MFSD2B: variants seen among roughly 807,000 people sequenced by gnomAD.
The protein encoded by MFSD2B is sphingosine-1-phosphate transporter MFSD2B.
In MFSD2B, 56 loss-of-function variants were observed where a neutral mutation model predicts 58.4. That is an observed-to-expected ratio of 0.96 (90% confidence interval 0.77 to 1.20). MFSD2B has a LOEUF of 1.20. MFSD2B is among the 50% of genes most tolerant of loss of function. The pLI, the probability that MFSD2B is intolerant of heterozygous loss-of-function variation, is 0.00. For synonymous variants in MFSD2B, 287 were observed against 294.4 expected (o/e 0.97, Z 0.26); for missense variants, 645 against 667.6 (o/e 0.97, Z 0.37).
chr2:24,025,245 G>T (rs1166168398), intron 13 of MFSD2B, among the ~76,000 whole-genome samples, 187 bp from the exon 14 acceptor site: 3 of 152,210 alleles, frequency 2.0e-5, no homozygotes, highest in Admixed American at 2.0e-4. Flanking sequence ...AGGCGGATGG[G>T]GAACTGCTTG....
rs1662885843 is a variant in MFSD2B at position 24,023,738 on chromosome 2, G to A, written c.1313+12G>A. 3.7e-6 allele frequency: 6 copies of A among 1,613,226 alleles called. No homozygotes were observed. The highest frequency in any genetic ancestry group is 5.1e-6 in the Non-Finnish European group (6 of 1,179,490). ...ACCCTCAGTCTGGAGTGAGTCCCAG[G>A]GTTAGGATACAGCAGAGGCACCAAG... On this transcript the variant is annotated intron_variant, in intron 12 of 13. Coordinates refer to ENST00000338315, the MANE Select transcript of MFSD2B (RefSeq NM_001346880.2). This position sits in a 1 kb window ranked among gnomAD's most constrained non-coding sequence, Gnocchi z 5.0.
Position 24,017,496 on chromosome 2 carries a change from A to G in MFSD2B, c.589A>G (p.Thr197Ala). The G allele has an allele frequency of 3.1e-6, 5 of 1,597,592 alleles. No homozygotes were observed. The highest frequency in any genetic ancestry group is 4.3e-6 in the Non-Finnish European group (5 of 1,172,238). ...VEMAGTLMGA[T>A]VHGLIVSGAH... ...GATGGCGGGAACACTGATGGGGGCCACTGTCCACGGGCTCATCGTGTCCGG... is the reference window on the plus strand; with the variant it reads ...GATGGCGGGAACACTGATGGGGGCCGCTGTCCACGGGCTCATCGTGTCCGG... Residue 197 changes from threonine to alanine, a missense_variant, in exon 6 of 14, where the codon ACT (threonine) becomes GCT (alanine). Coordinates refer to ENST00000338315, the MANE Select transcript of MFSD2B (RefSeq NM_001346880.2). This position sits in a 1 kb window ranked among gnomAD's most constrained non-coding sequence, Gnocchi z 4.8.
chr2:24,024,308 A>C lies in MFSD2B; in HGVS notation c.1490+37A>C, dbSNP rs1299177273. Reference sequence around the variant, plus strand: ...ACGCCCCCTGCAGCCAGCGAGGCACAGTGTGGGCTGCTGGGGGAATGACTA... The same window carrying C: ...ACGCCCCCTGCAGCCAGCGAGGCACCGTGTGGGCTGCTGGGGGAATGACTA... On this transcript the variant is annotated intron_variant, in intron 13 of 13. Transcript: ENST00000338315. This position sits in a 1 kb window ranked among gnomAD's most constrained non-coding sequence, Gnocchi z 4.3. 4.5e-6 allele frequency: 7 copies of C among 1,558,428 alleles called. No individual in the cohort carries two copies. Among genetic ancestry groups the C allele is most frequent in the Non-Finnish European group, 5.2e-6 (6 of 1,153,648 alleles).
chr2:24,020,600 C>T lies in MFSD2B; in HGVS notation c.682-1048C>T, dbSNP rs1400556655. The stretch of plus-strand genomic sequence containing the variant: ...ACAGAGGCAGGGTCTTACTCTGCCA[C>T]CCAGGCTGGAGTGCAATGGTGCAAT... On this transcript the variant is annotated intron_variant, in intron 6 of 13. Transcript: ENST00000338315. The surrounding 1 kb of genome is among the most constrained non-coding windows in gnomAD (Gnocchi z 4.1). Among the ~76,000 whole-genome samples, 1 of 152,184 alleles carries T rather than the reference C, an allele frequency of 6.6e-6. No homozygotes were observed. The highest frequency in any genetic ancestry group is 6.5e-5 in the Admixed American group (1 of 15,278).
chr2:24,011,380 G>A (rs2150936281), intron 1 of MFSD2B, among the ~76,000 whole-genome samples: 1 of 152,356 alleles, frequency 6.6e-6, no homozygotes, highest in South Asian at 2.1e-4. Flanking sequence ...AATTCTGCCT[G>A]TTCTTAAAGT....
rs115366112 is a variant in MFSD2B at position 24,020,147 on chromosome 2, G to A, written c.682-1501G>A. 6.6e-6 allele frequency among the ~76,000 whole-genome samples: 1 copy of A among 152,282 alleles called. No individual in the cohort carries two copies. Among genetic ancestry groups the A allele is most frequent in the Non-Finnish European group, 1.5e-5 (1 of 68,022 alleles). Reference sequence around the variant, plus strand: ...GGGGCCCTGAGCTGGGGACATGTGTGGTCCTTGATGTGACACAAGGGTTGG... The same window carrying A: ...GGGGCCCTGAGCTGGGGACATGTGTAGTCCTTGATGTGACACAAGGGTTGG... On this transcript the variant is annotated intron_variant, in intron 6 of 13. Coordinates refer to ENST00000338315, the MANE Select transcript of MFSD2B (RefSeq NM_001346880.2). This position sits in a 1 kb window ranked among gnomAD's most constrained non-coding sequence, Gnocchi z 4.1.
At chr2:24,016,317 G>A (rs2150938973) in intron 3 of MFSD2B, 37 bp downstream of exon 3, 2 of 1,597,924 alleles carry the variant, frequency 1.3e-6, no homozygotes, top group Non-Finnish European at 1.7e-6. Context: ...CCAGGCACCT[G>A]GTCCTGGCCC....
chr2:24,024,144 G>C lies in MFSD2B; in HGVS notation c.1363G>C (p.Val455Leu). Residue 455 changes from valine to leucine, a missense_variant, in exon 13 of 14, where the codon GTC becomes CTC. By Grantham distance (32) the Val-to-Leu change is conservative. Transcript: ENST00000338315. This position sits in a 1 kb window ranked among gnomAD's most constrained non-coding sequence, Gnocchi z 4.3. Reference protein sequence around the residue: ...GVCKQAEEVVVTLKVLIGAVP... With the variant: ...GVCKQAEEVVLTLKVLIGAVP... The stretch of plus-strand genomic sequence containing the variant: ...CTGCAAGCAAGCAGAGGAGGTGGTG[G>C]TCACCCTCAAAGTCCTCATTGGCGC... 6.2e-7 allele frequency: 1 copy of C among 1,613,898 alleles called. No homozygotes were observed. Among genetic ancestry groups the C allele is most frequent in the East Asian group, 2.2e-5 (1 of 44,870 alleles).
chr2:24,015,650 C>A (rs924743480), intron 2 of MFSD2B, among the ~76,000 whole-genome samples: 2 of 152,198 alleles, frequency 1.3e-5, no homozygotes, highest in African/African-American at 4.8e-5. Flanking sequence ...TATTTTCCTG[C>A]ATAGTTTGAG....
intron 2 of MFSD2B, 79 bp from the exon 3 acceptor site, chr2:24,016,077 C>T (rs1322741205): frequency 6.4e-7 from 1 of 1,573,428 alleles, no homozygotes; most frequent in Non-Finnish European, 8.7e-7. Context: ...AGGCCTCCCT[C>T]TTGATGGCAA....
intron 1 of MFSD2B, 28 bp downstream of exon 1, chr2:24,010,220 G>A: frequency 7.4e-7 from 1 of 1,351,012 alleles, no homozygotes; most frequent in South Asian, 1.8e-5. Flanking sequence ...GACCGGGAAG[G>A]GGCTGCGTCC....
Position 24,016,871 on chromosome 2 carries a change from C to A in MFSD2B, c.374C>A (p.Ala125Asp). The change falls in exon 4 of 14, where the codon GCC (alanine) becomes GAC (aspartate). Residue 125 changes from alanine (A) to aspartate (D), a missense_variant. Transcript: ENST00000338315. Reference protein sequence around the residue: ...PWVLGCTPFIALAYFFLWFLP... With the variant: ...PWVLGCTPFIDLAYFFLWFLP... ...GTGCTGGGCTGCACCCCCTTCATCG[C>A]CCTGGCCTACTTCTTCCTGTGGTTC... The A allele has an allele frequency of 6.2e-7, 1 of 1,613,782 alleles. No individual in the cohort carries two copies. The highest frequency in any genetic ancestry group is 1.1e-5 in the South Asian group (1 of 91,090).
In MFSD2B at chr2:24,013,336, G is replaced by C; in HGVS notation, c.148G>C (p.Gly50Arg). 1.9e-6 allele frequency: 3 copies of C among 1,612,198 alleles called. No individual in the cohort carries two copies. In the Admixed American group the frequency reaches 5.0e-5, roughly 27 times the overall value. The change falls in exon 2 of 14, where the codon GGT (glycine) becomes CGT (arginine). Residue 50 changes from glycine to arginine, a missense_variant. Coordinates refer to ENST00000338315, the MANE Select transcript of MFSD2B (RefSeq NM_001346880.2). ...CTGTACAAAGGTGTGCTATGGCATT[G>C]GTGGGGTCCCCAACCAGATAGCCTC... ...SFCTKVCYGI[G>R]GVPNQIASSA...
intron 2 of MFSD2B, among the ~76,000 whole-genome samples, chr2:24,015,119 A>T (rs965435877): frequency 2.6e-5 from 4 of 151,636 alleles, no homozygotes; most frequent in African/African-American, 9.7e-5. Context: ...ACTCCCTCTC[A>T]AAAACAAAAC....
chr2:24,024,025 G>A lies in MFSD2B; in HGVS notation c.1314-70G>A, dbSNP rs1662894741. The A allele has an allele frequency of 6.7e-7, 1 of 1,495,990 alleles. No individual in the cohort carries two copies. Among genetic ancestry groups the A allele is most frequent in the East Asian group, 2.3e-5 (1 of 44,084 alleles). The allele number at this position is 1,495,990 out of a possible 1,614,324, so 92.7% of individuals were successfully genotyped here. On this transcript the variant is annotated intron_variant, in intron 12 of 13. Coordinates refer to ENST00000338315, the MANE Select transcript of MFSD2B (RefSeq NM_001346880.2). This position sits in a 1 kb window ranked among gnomAD's most constrained non-coding sequence, Gnocchi z 4.3. Reference sequence around the variant, plus strand: ...AGGAGGGGGTGGGGTGGGGTGAGGTGTCGAGTCCCTCCACCCAGGGTGCCA... The same window carrying A: ...AGGAGGGGGTGGGGTGGGGTGAGGTATCGAGTCCCTCCACCCAGGGTGCCA...
At chr2:24,016,814 G>C in intron 3 of MFSD2B, 31 bp from the exon 4 acceptor site, 1 of 1,609,790 alleles carries the variant, frequency 6.2e-7, no homozygotes, top group Non-Finnish European at 8.5e-7. Context: ...CTGGGTCGGG[G>C]GGCCGCTCCA....
Position 24,023,082 on chromosome 2 carries a change from C to A in MFSD2B, c.1060-48C>A. 2 of 1,506,650 alleles carry A rather than the reference C, an allele frequency of 1.3e-6. No homozygotes were observed. Among genetic ancestry groups the A allele is most frequent in the Non-Finnish European group, 1.8e-6 (2 of 1,087,716 alleles). 93.3% of individuals were successfully genotyped at this position (1,506,650 alleles called of 1,614,324 possible). A position where few individuals can be genotyped will look rare whatever the true frequency, so the allele number is the denominator to read the frequency against. On this transcript the variant is annotated intron_variant, in intron 10 of 13. Transcript: ENST00000338315. The surrounding 1 kb of genome is among the most constrained non-coding windows in gnomAD (Gnocchi z 5.0). ...TCGAGTCGTGTGTGAAGGAGCAGGC[C>A]CCACGAAGAAGCAGGTGGCGGGACA...
rs747636884 is a variant in MFSD2B at position 24,023,281 on chromosome 2, G to A, written c.1169+42G>A. 1.2e-5 allele frequency: 18 copies of A among 1,500,716 alleles called. No homozygotes were observed. Among genetic ancestry groups the A allele is most frequent in the Non-Finnish European group, 1.6e-5 (17 of 1,079,104 alleles). 93.0% of individuals were successfully genotyped at this position (1,500,716 alleles called of 1,614,324 possible). On this transcript the variant is annotated intron_variant, in intron 11 of 13. Transcript: ENST00000338315. The surrounding 1 kb of genome is among the most constrained non-coding windows in gnomAD (Gnocchi z 5.0). Reference sequence around the variant, plus strand: ...GGCCTCACGTGTGTCCACAGTGGGTGTCACCTCCTTCATGTAAACCTGCCG... The same window carrying A: ...GGCCTCACGTGTGTCCACAGTGGGTATCACCTCCTTCATGTAAACCTGCCG...
rs1371299349 is a variant in MFSD2B at position 24,020,982 on chromosome 2, C to T, written c.682-666C>T. ...TGTGATCTCGGCTCACTGCAACCTC[C>T]ATCTCCCCAGTTCAAGTGATTCTCC... On this transcript the variant is annotated intron_variant, in intron 6 of 13. Transcript: ENST00000338315. The surrounding 1 kb of genome is among the most constrained non-coding windows in gnomAD (Gnocchi z 4.1). 6.6e-6 allele frequency among the ~76,000 whole-genome samples: 1 copy of T among 151,992 alleles called. No individual in the cohort carries two copies. The highest frequency in any genetic ancestry group is 1.5e-5 in the Non-Finnish European group (1 of 67,972).
Sources: gnomAD v4.1 joint callset for allele counts (sites outside exome capture counted in the v4.1 genomes callset) on GRCh38, gnomAD v4.1.1 for gene constraint, Gnocchi (gnomAD v3.1) non-coding constraint, MANE v1.5 for transcripts, NCBI Gene and HGNC (gene_info 2026-07-23, HGNC 2026-07-21) for gene names.